Variants in BLTP3A observed in about 807,000 individuals in gnomAD.
The protein encoded by BLTP3A is bridge-like lipid transfer protein family member 3A.
chr6:34,833,162 A>T, the BLTP3A span, among the ~76,000 whole-genome samples: 1 of 152,166 alleles, frequency 6.6e-6, no homozygotes, highest in African/African-American at 2.4e-5. Flanking sequence ...CCAAATGCAG[A>T]TCAAAATATT....
At chr6:34,875,335 A>AG in the BLTP3A span, 1 of 152,214 alleles carries the variant, frequency 6.6e-6, no homozygotes, top group African/African-American at 2.4e-5. Flanking sequence ...ATGTTCTTGA[A>AG]GGGGGAGGAA....
chr6:34,868,041 T>C, the BLTP3A span, among the ~76,000 whole-genome samples: 1 of 152,206 alleles, frequency 6.6e-6, no homozygotes, highest in Non-Finnish European at 1.5e-5. Context: ...GGCGCGGGGC[T>C]CATGCCTGTA....
the BLTP3A span, among the ~76,000 whole-genome samples, chr6:34,817,139 T>C: frequency 1.3e-5 from 2 of 152,298 alleles, no homozygotes; most frequent in South Asian, 4.1e-4. Flanking sequence ...TTTACTTCCT[T>C]TTGTTGTTGT....
the BLTP3A span, chr6:34,859,629 T>A: frequency 1.3e-6 from 2 of 1,590,434 alleles, no homozygotes; most frequent in African/African-American, 2.7e-5. Context: ...TTCTGATCAT[T>A]GGGTTTAAGG....
chr6:34,845,631 C>G, the BLTP3A span, among the ~76,000 whole-genome samples: 4 of 151,912 alleles, frequency 2.6e-5, no homozygotes, highest in Non-Finnish European at 4.4e-5. Flanking sequence ...GAGTCTTGCT[C>G]TGTCACCCAG....
At chr6:34,859,580 C>A in the BLTP3A span, 2 of 1,612,814 alleles carry the variant, frequency 1.2e-6, no homozygotes, top group Middle Eastern at 1.7e-4. Flanking sequence ...AAGTAAGTGG[C>A]TCTGTACCTC....
At chr6:34,856,004 A>G in the BLTP3A span, 2 of 886,358 alleles carry the variant, frequency 2.3e-6, no homozygotes, top group Non-Finnish European at 2.7e-6. Flanking sequence ...CCAGTAGTCC[A>G]TAGTCAAATA....
chr6:34,869,148 C>T, the BLTP3A span, among the ~76,000 whole-genome samples: 2 of 152,000 alleles, frequency 1.3e-5, no homozygotes, highest in Non-Finnish European at 2.9e-5. Context: ...AATACAGGCA[C>T]ACACCACCAC....
At chr6:34,859,282 C>T in the BLTP3A span, 6 of 1,613,764 alleles carry the variant, frequency 3.7e-6, no homozygotes, top group East Asian at 2.2e-5. Context: ...AGAGTCCCTA[C>T]AGGCCAAGAA....
At chr6:34,803,987 A>G in the BLTP3A span, among the ~76,000 whole-genome samples, 2 of 152,140 alleles carry the variant, frequency 1.3e-5, no homozygotes, top group African/African-American at 4.8e-5. Flanking sequence ...AACACATTTC[A>G]TTTGAGAAAG....
At chr6:34,817,348 A>G in the BLTP3A span, among the ~76,000 whole-genome samples, 1 of 152,200 alleles carries the variant, frequency 6.6e-6, no homozygotes, top group Non-Finnish European at 1.5e-5. Flanking sequence ...TTCAGAGAAT[A>G]AAGTTAGTTC....
the BLTP3A span, among the ~76,000 whole-genome samples, chr6:34,792,906 T>G: frequency 7.2e-5 from 11 of 152,348 alleles, no homozygotes; most frequent in Non-Finnish European, 1.0e-4. Context: ...CTGACCCTGT[T>G]GCATCACCCT....
the BLTP3A span, chr6:34,855,865 T>A: frequency 2.1e-5 from 21 of 985,270 alleles, no homozygotes; most frequent in South Asian, 8.9e-4. Flanking sequence ...GTCTGGAAAC[T>A]TGCAGGTTCC....
the BLTP3A span, chr6:34,857,976 G>T: frequency 1.3e-6 from 2 of 1,585,740 alleles, no homozygotes; most frequent in South Asian, 2.3e-5. Context: ...TTTTTCCAAT[G>T]GATATAATCC....
the BLTP3A span, among the ~76,000 whole-genome samples, chr6:34,803,152 C>T: frequency 6.6e-6 from 1 of 151,456 alleles, no homozygotes; most frequent in East Asian, 1.9e-4. Flanking sequence ...CCACTGCACT[C>T]CAGCCTGAGC....
the BLTP3A span, among the ~76,000 whole-genome samples, chr6:34,818,782 A>G: frequency 6.6e-6 from 1 of 152,186 alleles, no homozygotes; most frequent in African/African-American, 2.4e-5. Context: ...CATGTTCACA[A>G]ACTTCTAAAA....
the BLTP3A span, among the ~76,000 whole-genome samples, chr6:34,822,663 C>G: frequency 6.4e-4 from 97 of 152,108 alleles, no homozygotes; most frequent in African/African-American, 2.2e-3. Context: ...CAAGACCAGC[C>G]TGACCAACAT....
the BLTP3A span, among the ~76,000 whole-genome samples, chr6:34,822,178 GTTGT>G: frequency 6.6e-6 from 1 of 151,912 alleles, no homozygotes; most frequent in Non-Finnish European, 1.5e-5. Flanking sequence ...GGACTTCTCA[GTTGT>G]TTTCTCGGTT....
chr6:34,872,420 C>T, the BLTP3A span: 3 of 1,610,982 alleles, frequency 1.9e-6, no homozygotes, highest in Admixed American at 3.4e-5. Context: ...GGAAATATAA[C>T]CCCTTCTTTG....
Sources: allele counts gnomAD v4.1 joint callset (sites outside exome capture counted in the v4.1 genomes callset), GRCh38; gene constraint gnomAD v4.1.1; transcripts MANE v1.5; gene names NCBI Gene and HGNC (gene_info 2026-07-23, HGNC 2026-07-21).